Variants in WDFY3 observed in about 807,000 individuals in gnomAD.
WDFY3 encodes WD repeat and FYVE domain containing 3.
In WDFY3, 66 loss-of-function variants were observed where a neutral mutation model predicts 409.6. The observed-to-expected ratio is 0.16, with a 90% CI of 0.13 to 0.20. The LOEUF (loss-of-function observed/expected upper bound fraction) is 0.20. WDFY3 is among the 10% of genes least tolerant of loss of function. The pLI is 1.00. For synonymous variants in WDFY3, 1,521 were observed against 1,537.1 expected (o/e 0.99, Z 0.25); for missense variants, 3,031 against 4,298.1 (o/e 0.71, Z 8.24).
At chr4:84,919,871 T>C (rs74691152) in intron 2 of WDFY3, among the ~76,000 whole-genome samples, 68 of 152,248 alleles carry the variant, frequency 4.5e-4, no homozygotes, top group East Asian at 2.5e-3. Flanking sequence ...AGTAACTATA[T>C]AGTGGAAAAA....
chr4:84,751,791 A>T (rs78458203), intron 35 of WDFY3, 75 bp from the exon 36 acceptor site: 3 of 1,507,914 alleles, frequency 2.0e-6, no homozygotes, highest in Admixed American at 1.7e-5. Flanking sequence ...TCCTAAAAAT[A>T]AAACTGGAGC....
intron 13 of WDFY3, among the ~76,000 whole-genome samples, chr4:84,816,696 T>C (rs1258027986): frequency 6.6e-6 from 1 of 152,134 alleles, no homozygotes; most frequent in African/African-American, 2.4e-5. Flanking sequence ...AGTTTGATTC[T>C]AAAAATTTCT....
At chr4:84,890,634 T>C (rs1165749080) in intron 3 of WDFY3, among the ~76,000 whole-genome samples, 2 of 152,296 alleles carry the variant, frequency 1.3e-5, no homozygotes, top group African/African-American at 4.8e-5. Flanking sequence ...CACTGAACTG[T>C]GTGTTCTAGA....
intron 56 of WDFY3, among the ~76,000 whole-genome samples, chr4:84,697,758 TAGC>T (rs1032060492): frequency 9.8e-5 from 15 of 152,354 alleles, no homozygotes; most frequent in African/African-American, 3.6e-4. Context: ...ACTAGTTTAA[TAGC>T]AGTTGGTTAG....
intron 34 of WDFY3, 110 bp from the exon 35 acceptor site, chr4:84,753,986 T>C: frequency 8.3e-7 from 1 of 1,206,796 alleles, no homozygotes; most frequent in Non-Finnish European, 1.1e-6. Context: ...ATATTGATGG[T>C]CCAGAACTCT....
chr4:84,959,107 C>G (rs1774600471), intron 1 of WDFY3, among the ~76,000 whole-genome samples: 2 of 152,152 alleles, frequency 1.3e-5, no homozygotes, highest in South Asian at 2.1e-4. Flanking sequence ...TGATATAGCG[C>G]TATCACCCAG....
chr4:84,947,490 C>A (rs1474560535), intron 1 of WDFY3, among the ~76,000 whole-genome samples: 1 of 144,354 alleles, frequency 6.9e-6, no homozygotes, highest in Non-Finnish European at 1.5e-5. Context: ...CCGGCCTGGG[C>A]AAAAGAGCGA....
chr4:84,966,179 G>C (rs2095366169), intron 1 of WDFY3, 30 bp downstream of exon 1: 1 of 151,716 alleles, frequency 6.6e-6, no homozygotes, highest in Non-Finnish European at 1.5e-5. Context: ...CGGGAGCGCG[G>C]GGGGCGGGGA....
At position 84,670,865 on chromosome 4, in the gene WDFY3, G is replaced by C. The variant is rs2148679940; in HGVS notation, c.*2003C>G. 1 of 152,624 alleles carries C rather than the reference G, an allele frequency of 6.6e-6. No homozygotes were observed. The highest frequency in any genetic ancestry group is 6.5e-5 in the Admixed American group (1 of 15,308). The allele number at this position is 152,624 out of a possible 1,614,324, so 9.5% of individuals were successfully genotyped here. The stretch of plus-strand genomic sequence containing the variant: ...GCATTATTTATTAGAATTGAAGATG[G>C]TGATGGGGGAGGGAGAGTGTGGGGG... On this transcript the variant is annotated 3_prime_UTR_variant, in exon 68 of 68. Coordinates refer to ENST00000295888, the MANE Select transcript of WDFY3 (RefSeq NM_014991.6).
At chr4:84,753,031 G>T (rs1740809954) in intron 35 of WDFY3, among the ~76,000 whole-genome samples, 1 of 152,118 alleles carries the variant, frequency 6.6e-6, no homozygotes, top group Non-Finnish European at 1.5e-5. Context: ...AGACTCTAAA[G>T]TTATGAAACT....
intron 3 of WDFY3, among the ~76,000 whole-genome samples, chr4:84,877,195 G>A (rs547395311): frequency 5.3e-5 from 8 of 152,254 alleles, no homozygotes; most frequent in African/African-American, 1.7e-4. Context: ...AACCACACCC[G>A]TCTACTGCAG....
At chr4:84,803,196 C>T in intron 16 of WDFY3, 94 bp downstream of exon 16, 1 of 1,325,818 alleles carries the variant, frequency 7.5e-7, no homozygotes, top group Non-Finnish European at 9.8e-7. Flanking sequence ...GTAATATTAA[C>T]TTTCTTCCTC....
chr4:84,945,121 G>A (rs1772649921), intron 1 of WDFY3, among the ~76,000 whole-genome samples: 1 of 152,146 alleles, frequency 6.6e-6, no homozygotes, highest in Non-Finnish European at 1.5e-5. Context: ...TAGTAATTGA[G>A]TGGATAAGAT....
chr4:84,827,255 G>A (rs757970219), intron 9 of WDFY3, among the ~76,000 whole-genome samples: 7 of 151,752 alleles, frequency 4.6e-5, no homozygotes, highest in Non-Finnish European at 7.4e-5. Flanking sequence ...AATAAACCTG[G>A]AGAATGCCAA....
intron 53 of WDFY3, among the ~76,000 whole-genome samples, chr4:84,707,715 T>A (rs1001353843): frequency 3.3e-5 from 5 of 152,226 alleles, no homozygotes; most frequent in African/African-American, 1.2e-4. Flanking sequence ...TTTCCTTGAT[T>A]GACTTAAAGA....
At chr4:84,724,335 T>C in intron 46 of WDFY3, 91 bp downstream of exon 46, 5 of 1,423,060 alleles carry the variant, frequency 3.5e-6, no homozygotes, top group Non-Finnish European at 3.8e-6. Context: ...AAGTTGGCCC[T>C]ACTATTTATA....
chr4:84,707,918 G>T (rs947082304), intron 53 of WDFY3, among the ~76,000 whole-genome samples: 2 of 152,080 alleles, frequency 1.3e-5, no homozygotes, highest in African/African-American at 4.8e-5. Flanking sequence ...ATTTTCTGAG[G>T]ATAGTTTTAT....
At chr4:84,752,948 T>C (rs186704399) in intron 35 of WDFY3, among the ~76,000 whole-genome samples, 1 of 152,344 alleles carries the variant, frequency 6.6e-6, no homozygotes, top group Admixed American at 6.5e-5. Flanking sequence ...TAAACTACAG[T>C]AGTTCATTCG....
chr4:84,745,736 T>G (rs1176936583), intron 36 of WDFY3, among the ~76,000 whole-genome samples: 1 of 152,146 alleles, frequency 6.6e-6, no homozygotes, highest in African/African-American at 2.4e-5. Context: ...TGTTTTTATC[T>G]TTATAAATTT....
Sources: gnomAD v4.1 joint callset for allele counts (sites outside exome capture counted in the v4.1 genomes callset) on GRCh38, gnomAD v4.1.1 for gene constraint, MANE v1.5 for transcripts, NCBI Gene and HGNC (gene_info 2026-07-23, HGNC 2026-07-21) for gene names.